Variants in LRP4 observed in about 807,000 individuals in gnomAD.
LRP4 encodes the protein LDL receptor related protein 4, also known as low-density lipoprotein receptor-related protein 4.
Under a neutral mutation model 220.3 loss-of-function variants are expected in LRP4, and 95 were observed. That is an observed-to-expected ratio of 0.43 (90% CI 0.37 to 0.51). The LOEUF (loss-of-function observed/expected upper bound fraction) is 0.51. Among genes scored for constraint, LRP4 ranks in the 20% least tolerant of loss-of-function variants. The pLI is 0.00. For missense variants in LRP4, 1,925 were observed against 2,567.0 expected (o/e 0.75, Z 5.40); for synonymous variants, 903 against 954.6 (o/e 0.95, Z 1.00).
intron 1 of LRP4, among the ~76,000 whole-genome samples, chr11:46,905,324 T>TTGAG (rs1398850513): frequency 4.1e-4 from 63 of 152,208 alleles, no homozygotes; most frequent in African/African-American, 1.5e-3. Context: ...TCTAGCTGGA[T>TTGAG]TGAACAGCAA....
chr11:46,909,785 A>G (rs900032460), intron 1 of LRP4, among the ~76,000 whole-genome samples: 6 of 151,996 alleles, frequency 3.9e-5, no homozygotes, highest in African/African-American at 1.5e-4. Context: ...TGAAAGCTGG[A>G]GTCAAAGGAA....
At position 46,900,198 on chromosome 11, in the gene LRP4, C is replaced by G. The variant is rs1215036826; in HGVS notation, c.316+64G>C. The G allele has an allele frequency of 4.7e-6, 6 of 1,286,110 alleles. No homozygotes were observed. The African/African-American group carries it at 5.9e-5, about 13-fold the overall frequency. 79.7% of individuals were successfully genotyped at this position (1,286,110 alleles called of 1,614,324 possible). On this transcript the variant is annotated intron_variant, in intron 3 of 37. Coordinates refer to ENST00000378623, the MANE Select transcript of LRP4 (RefSeq NM_002334.4). ...TCATGTGGACCTGGGGCATTGCTTT[C>G]TGATTGAAAATCCTTTCCCAGTGGA...
chr11:46,918,340 G>C lies in LRP4; in HGVS notation c.40C>G (p.Leu14Val). 6.7e-7 allele frequency: 1 copy of C among 1,495,370 alleles called. No homozygotes were observed. Among genetic ancestry groups the C allele is most frequent in the Non-Finnish European group, 8.9e-7 (1 of 1,128,256 alleles). 92.6% of individuals were successfully genotyped at this position (1,495,370 alleles called of 1,614,324 possible). Residue 14 changes from leucine to valine, a missense_variant, in exon 1 of 38, where the codon CTC (leucine) becomes GTC (valine). Transcript: ENST00000378623. This position sits in a 1 kb window ranked among gnomAD's most constrained non-coding sequence, Gnocchi z 6.0. ...QWGALLLGAL[L>V]CAHGLASSPE... ...GGGCGCCGCTTACCGTGTGCGCAGA[G>C]CAGGGCGCCAAGCAGCAGCGCGCCC... is the stretch of plus-strand genomic sequence containing the variant.
At chr11:46,878,840 AG>A (rs1941080813) in intron 22 of LRP4, 66 bp downstream of exon 22, 1 of 1,607,388 alleles carries the variant, frequency 6.2e-7, no homozygotes, top group African/African-American at 1.3e-5. Context: ...CCCATCTGCA[AG>A]GAAGGAAGAG....
intron 15 of LRP4, 185 bp from the exon 16 acceptor site, chr11:46,889,718 T>A: frequency 1.1e-6 from 1 of 870,194 alleles, no homozygotes; most frequent in Non-Finnish European, 1.8e-6. Context: ...CCTGTAAATG[T>A]CTGCCTGAAT....
intron 2 of LRP4, among the ~76,000 whole-genome samples, chr11:46,902,245 G>T (rs922737357): frequency 2.0e-5 from 3 of 151,588 alleles, no homozygotes; most frequent in African/African-American, 7.3e-5. Flanking sequence ...TGTAGTCCCA[G>T]CTACTCAGGA....
chr11:46,861,540 T>C, intron 37 of LRP4, among the ~76,000 whole-genome samples: 1 of 134,950 alleles, frequency 7.4e-6, no homozygotes, highest in African/African-American at 2.6e-5. Context: ...TTTTTTTTTT[T>C]TTTTTGAGAC....
chr11:46,886,517 C>T lies in LRP4; in HGVS notation c.2232G>A (p.Leu744=), dbSNP rs1350244175. Residue 744 remains leucine (L), a synonymous_variant, in exon 17 of 38, where the codon CTG becomes CTA. Transcript: ENST00000378623. The part of the protein sequence containing the change: ...HACAQSLDKF[L]LFARRMDIRR... Reference sequence around the variant, plus strand: ...GGATGTCCATCCTTCGGGCAAAAAGCAGGAACTTGTCAAGACCTGATCAAA... The same window carrying T: ...GGATGTCCATCCTTCGGGCAAAAAGTAGGAACTTGTCAAGACCTGATCAAA... 4 of 1,614,092 alleles carry T rather than the reference C, an allele frequency of 2.5e-6. No individual in the cohort carries two copies. The highest frequency in any genetic ancestry group is 3.4e-6 in the Non-Finnish European group (4 of 1,180,018).
chr11:46,878,112 G>A (rs537899018), intron 22 of LRP4, among the ~76,000 whole-genome samples: 2 of 152,176 alleles, frequency 1.3e-5, no homozygotes, highest in East Asian at 1.9e-4. Context: ...CTTGACTTCC[G>A]ACATCTGGGT....
Position 46,858,690 on chromosome 11 carries a change from C to CGCTGGT in LRP4, c.*287_*292dup. Reference sequence around the variant, plus strand: ...TGGGGAAAGGGGAGGTGGAGCTCTACGCTGGTGAGGAATCACGAATAAGCA... The same window carrying CGCTGGT: ...TGGGGAAAGGGGAGGTGGAGCTCTACGCTGGTGCTGGTGAGGAATCACGAATAAGCA... On this transcript the variant is annotated 3_prime_UTR_variant, in exon 38 of 38. Coordinates refer to ENST00000378623, the MANE Select transcript of LRP4 (RefSeq NM_002334.4). 1 of 438,874 alleles carries CGCTGGT rather than the reference C, an allele frequency of 2.3e-6. No individual in the cohort carries two copies. The highest frequency in any genetic ancestry group is 4.3e-6 in the Non-Finnish European group (1 of 234,568). 27.2% of individuals were successfully genotyped at this position (438,874 alleles called of 1,614,324 possible). A position where few individuals can be genotyped will look rare whatever the true frequency, so the allele number is the denominator to read the frequency against.
chr11:46,881,775 G>T lies in LRP4; in HGVS notation c.2741C>A (p.Ser914Tyr). ...GGCGTCAGCCCAGTATAGACGCTGG[G>T]ACCCATAATCAATAGCTAACCCATT... ...WPNGLAIDYG[S>Y]QRLYWADAGM... The change falls in exon 20 of 38, where the codon TCC becomes TAC. Residue 914 changes from serine (S) to tyrosine (Y), a missense_variant. Around this residue, in one of 3 missense-constraint regions of LRP4, gnomAD observed 1,244 missense variants for 1,624.9 expected, o/e 0.77. Coordinates refer to ENST00000378623, the MANE Select transcript of LRP4 (RefSeq NM_002334.4). The T allele has an allele frequency of 6.2e-7, 1 of 1,613,944 alleles. No homozygotes were observed. Among genetic ancestry groups the T allele is most frequent in the Non-Finnish European group, 8.5e-7 (1 of 1,180,038 alleles).
chr11:46,873,704 T>C lies in LRP4; in HGVS notation c.4230-111A>G. On this transcript the variant is annotated intron_variant, in intron 28 of 37. Coordinates refer to ENST00000378623, the MANE Select transcript of LRP4 (RefSeq NM_002334.4). The surrounding 1 kb of genome is among the most constrained non-coding windows in gnomAD (Gnocchi z 4.2). ...CACTGAACTGTAAGCTCCACAGGGA[T>C]AGAGACCAGGTATCTATGAGTACAT... 17 of 781,250 alleles carry C rather than the reference T, an allele frequency of 2.2e-5. No individual in the cohort carries two copies. The South Asian group carries it at 2.7e-4, about 12-fold the overall frequency. The allele number at this position is 781,250 out of a possible 1,614,324, so 48.4% of individuals were successfully genotyped here. A position where few individuals can be genotyped will look rare whatever the true frequency, so the allele number is the denominator to read the frequency against.
In LRP4 at chr11:46,877,230, G is replaced by A; in HGVS notation, c.3246C>T (p.Asn1082=). 6.2e-7 allele frequency: 1 copy of A among 1,613,964 alleles called. No homozygotes were observed. The highest frequency in any genetic ancestry group is 8.5e-7 in the Non-Finnish European group (1 of 1,179,894). ...VVVPINITMK[N]TIAIGVDPQE... ...GGGGGTCTACTCCAATGGCAATGGT[G>A]TTCTTCATGGTAATGTTGATTGGTA... Residue 1082 remains asparagine, a synonymous_variant, in exon 23 of 38, where the codon AAC becomes AAT. Coordinates refer to ENST00000378623, the MANE Select transcript of LRP4 (RefSeq NM_002334.4).
Position 46,896,305 on chromosome 11 carries a change from A to G in LRP4, c.953T>C (p.Leu318Pro), listed in dbSNP as rs763419849. Residue 318 changes from leucine to proline, a missense_variant, in exon 9 of 38, where the codon CTG becomes CCG. Around this residue, in one of 3 missense-constraint regions of LRP4, gnomAD observed 412 missense variants for 505.4 expected, o/e 0.82. Transcript: ENST00000378623. The stretch of plus-strand genomic sequence containing the variant: ...CCCAATGCAGCGCCCATTCCAACAC[A>G]GGAACTGGTCCAAGGCACATTGGGG... Reference protein sequence around the residue: ...GSPQCALDQFLCWNGRCIGQR... With the variant: ...GSPQCALDQFPCWNGRCIGQR... The G allele has an allele frequency of 6.2e-7, 1 of 1,614,142 alleles. No homozygotes were observed. Among genetic ancestry groups the G allele is most frequent in the Non-Finnish European group, 8.5e-7 (1 of 1,180,044 alleles).
At chr11:46,903,064 A>C in intron 1 of LRP4, 135 bp from the exon 2 acceptor site, 1 of 1,059,594 alleles carries the variant, frequency 9.4e-7, no homozygotes, top group Non-Finnish European at 1.4e-6. Flanking sequence ...AGGGAGATGC[A>C]GGCAGTAAAA....
In LRP4 at chr11:46,888,014, CAAAAAAAAA is replaced by C. The variant is rs59369000; in HGVS notation, c.2215+1388_2215+1396del. Among the ~76,000 whole-genome samples, 33 of 45,912 alleles carry C rather than the reference CAAAAAAAAA, an allele frequency of 7.2e-4. 1 individual carries two copies. Among genetic ancestry groups the C allele is most frequent in the Admixed American group, 3.9e-3 (13 of 3,336 alleles). The allele number at this position is 45,912 out of a possible 152,430, so 30.1% of individuals were successfully genotyped here. On this transcript the variant is annotated intron_variant, in intron 16 of 37. Transcript: ENST00000378623. ...TAGGTGACAGAGCAAGACCCTGTCT[CAAAAAAAAA>C]AAAAAAAAAAAAAAAAAAGGCCGGG...
rs1191198188 is a variant in LRP4 at position 46,890,431 on chromosome 11, A to G, written c.1761T>C (p.Ser587=). The G allele has an allele frequency of 5.6e-6, 9 of 1,614,092 alleles. No homozygotes were observed. Among genetic ancestry groups the G allele is most frequent in the African/African-American group, 5.3e-5 (4 of 74,942 alleles). The change falls in exon 14 of 38, where the codon TCT becomes TCC. Residue 587 remains serine, a synonymous_variant. Coordinates refer to ENST00000378623, the MANE Select transcript of LRP4 (RefSeq NM_002334.4). This position sits in a 1 kb window ranked among gnomAD's most constrained non-coding sequence, Gnocchi z 5.3. ...GGGTATCGGCAATGATGCGGCGTCC[A>G]GAGCCATCCATGCTGGAGGCCTCAA... ...PRIEASSMDG[S]GRRIIADTHL...
At chr11:46,913,504 G>T (rs557431894) in intron 1 of LRP4, among the ~76,000 whole-genome samples, 211 of 152,314 alleles carry the variant, frequency 1.4e-3, no homozygotes, top group Non-Finnish European at 2.4e-3. Context: ...CCTGCAAGCT[G>T]ACAGGCTTCC....
chr11:46,860,378 G>A (rs1201291730), intron 37 of LRP4, among the ~76,000 whole-genome samples: 1 of 152,120 alleles, frequency 6.6e-6, no homozygotes, highest in African/African-American at 2.4e-5. Context: ...TGAGTCCTGG[G>A]ACCATTCCCA....
Sources: gnomAD v4.1 joint callset for allele counts (sites outside exome capture counted in the v4.1 genomes callset) on GRCh38, gnomAD v4.1.1 for gene constraint, gnomAD v4.1.1 regional missense constraint, Gnocchi (gnomAD v3.1) non-coding constraint, MANE v1.5 for transcripts, NCBI Gene and HGNC (gene_info 2026-07-23, HGNC 2026-07-21) for gene names.